The following NRG1 variants were observed in gnomAD, a reference collection of about 807,000 sequenced individuals.
NRG1 encodes pro-neuregulin-1, membrane-bound isoform.
Under a neutral mutation model 63.8 loss-of-function variants are expected in NRG1, and 18 were observed. That is an observed-to-expected ratio of 0.28 (90% CI 0.19 to 0.42). NRG1 has a LOEUF of 0.42. NRG1 is among the 10% of genes least tolerant of loss of function. NRG1 has a pLI of 1.00. For synonymous variants in NRG1, 302 were observed against 301.3 expected, an observed-to-expected ratio of 1.00 and a Z score of -0.02; for missense variants, 762 against 814.7, an observed-to-expected ratio of 0.94 and a Z score of 0.79.
chr8:32,021,546 A>AATTTTTATATGAATTG (rs1816446221), intron 1 of NRG1, among the ~76,000 whole-genome samples: 1 of 152,110 alleles, frequency 6.6e-6, no homozygotes, highest in African/African-American at 2.4e-5. Flanking sequence ...CTACCTCCAC[A>AATTTTTATATGAATTG]CTGGGGATCA....
intron 1 of NRG1, among the ~76,000 whole-genome samples, chr8:32,430,742 C>T (rs1818025881): frequency 6.7e-6 from 1 of 150,372 alleles, no homozygotes; most frequent in Non-Finnish European, 1.5e-5. Context: ...CTACTGCAAA[C>T]ATTTATGGTC....
chr8:31,918,730 G>T (rs1418316136), intron 1 of NRG1, among the ~76,000 whole-genome samples: 7 of 152,144 alleles, frequency 4.6e-5, no homozygotes, highest in African/African-American at 1.4e-4. Context: ...ATGAGTTAGG[G>T]AGGATTCCCT....
chr8:32,735,598 C>T (rs1008066291), intron 6 of NRG1, among the ~76,000 whole-genome samples: 15 of 152,086 alleles, frequency 9.9e-5, no homozygotes, highest in African/African-American at 3.1e-4. Flanking sequence ...AAAACCAAAC[C>T]ACAAATTAGC....
chr8:31,639,286 G>T (rs1563243323), exon 1 of NRG1: 2 of 1,380,882 alleles, frequency 1.4e-6, no homozygotes, highest in East Asian at 2.5e-5. Flanking sequence ...CCTGTTTGCC[G>T]CCCGTCCTCC....
chr8:31,721,551 T>G (rs1812918024), intron 1 of NRG1, among the ~76,000 whole-genome samples: 1 of 152,202 alleles, frequency 6.6e-6, no homozygotes. Context: ...ATTCTGTTCC[T>G]TGACCCTCTC....
At chr8:32,256,459 A>G (rs1586433719) in intron 1 of NRG1, 1 of 152,338 alleles carries the variant, frequency 6.6e-6, no homozygotes, top group East Asian at 1.9e-4. Context: ...GCAGGTCTGC[A>G]GGAGTTTGCT....
intron 1 of NRG1, among the ~76,000 whole-genome samples, chr8:31,906,711 A>T (rs889643387): frequency 6.6e-6 from 1 of 152,248 alleles, no homozygotes; most frequent in Non-Finnish European, 1.5e-5. Context: ...TGTGACATGC[A>T]GTGAGATTTA....
At chr8:32,026,491 A>G (rs1448709589) in intron 1 of NRG1, 1 of 152,206 alleles carries the variant, frequency 6.6e-6, no homozygotes, top group Non-Finnish European at 1.5e-5. Flanking sequence ...TTGGGCGCAT[A>G]TAATACTCTC....
intron 5 of NRG1, among the ~76,000 whole-genome samples, chr8:32,629,088 G>A (rs1279103363): frequency 6.6e-6 from 1 of 152,136 alleles, no homozygotes; most frequent in Non-Finnish European, 1.5e-5. Context: ...TGGGTAAATA[G>A]TGCACATAAC....
chr8:32,341,352 G>C (rs1804049374), intron 1 of NRG1, among the ~76,000 whole-genome samples: 1 of 152,232 alleles, frequency 6.6e-6, no homozygotes, highest in African/African-American at 2.4e-5. Flanking sequence ...TCCTTTGGCA[G>C]AGAAGAGAGA....
At chr8:32,365,610 C>T (rs1807863011) in intron 1 of NRG1, among the ~76,000 whole-genome samples, 1 of 151,878 alleles carries the variant, frequency 6.6e-6, no homozygotes, top group Non-Finnish European at 1.5e-5. Flanking sequence ...CACCTTTTTT[C>T]CATAAATGGC....
At chr8:32,729,145 T>C (rs1823013330) in intron 6 of NRG1, among the ~76,000 whole-genome samples, 1 of 152,164 alleles carries the variant, frequency 6.6e-6, no homozygotes, top group Admixed American at 6.5e-5. Flanking sequence ...ATAGTGATAG[T>C]ATCAGTACAT....
intron 1 of NRG1, among the ~76,000 whole-genome samples, chr8:31,891,450 A>G (rs1477802023): frequency 1.3e-5 from 2 of 152,212 alleles, no homozygotes; most frequent in African/African-American, 4.8e-5. Context: ...TCACTATCCA[A>G]CTATCAAAAT....
At chr8:31,709,787 G>A (rs905583031) in intron 1 of NRG1, among the ~76,000 whole-genome samples, 3 of 151,520 alleles carry the variant, frequency 2.0e-5, no homozygotes, top group African/African-American at 7.3e-5. Flanking sequence ...CTTTGTTTTT[G>A]TGGCTTTTTA....
intron 5 of NRG1, among the ~76,000 whole-genome samples, chr8:32,661,901 A>C (rs1299118338): frequency 2.0e-5 from 3 of 152,212 alleles, no homozygotes; most frequent in Non-Finnish European, 4.4e-5. Flanking sequence ...AGGTACAAAC[A>C]TACAGTCTGA....
chr8:31,825,575 A>G (rs997179116), intron 1 of NRG1, among the ~76,000 whole-genome samples: 1 of 152,112 alleles, frequency 6.6e-6, no homozygotes, highest in Admixed American at 6.5e-5. Flanking sequence ...CACATTTTGG[A>G]TGAAGGGACT....
chr8:32,111,243 A>C lies in NRG1; in HGVS notation c.37+471812A>C, dbSNP rs539569329. ...GCAATTTTCGTTCCTCAGCTTCCAGAGTTGCTGGGATTACAGGGGCCCGCC... is the reference window on the plus strand; with the variant it reads ...GCAATTTTCGTTCCTCAGCTTCCAGCGTTGCTGGGATTACAGGGGCCCGCC... On this transcript the variant is annotated intron_variant, in intron 1 of 10. Transcript: ENST00000519301. Among the ~76,000 whole-genome samples the C allele has an allele frequency of 2.6e-5, 4 of 151,894 alleles. No homozygotes were observed. In the South Asian group the frequency reaches 8.4e-4, roughly 32 times the overall value.
chr8:31,729,376 C>G (rs1227518641), intron 1 of NRG1, among the ~76,000 whole-genome samples: 1 of 151,790 alleles, frequency 6.6e-6, no homozygotes, highest in African/African-American at 2.4e-5. Context: ...CAAATACTTA[C>G]AGAAGAAAGT....
chr8:31,738,399 G>A (rs557014286), intron 1 of NRG1, among the ~76,000 whole-genome samples: 1 of 152,174 alleles, frequency 6.6e-6, no homozygotes, highest in South Asian at 2.1e-4. Context: ...ATAATGCCCT[G>A]CTGTACTGAT....
Sources: allele counts gnomAD v4.1 joint callset (sites outside exome capture counted in the v4.1 genomes callset), GRCh38; gene constraint gnomAD v4.1.1; transcripts MANE v1.5; gene names NCBI Gene and HGNC (gene_info 2026-07-23, HGNC 2026-07-21).